Variants in LIMA1 observed in about 807,000 individuals in gnomAD.
The protein encoded by LIMA1 is LIM domain and actin binding 1, also known as LIM domain and actin-binding protein 1.
LIMA1 carries 52 observed loss-of-function variants against 62.6 expected under a neutral mutation model. The ratio of observed to expected loss-of-function variants is 0.83; its 90% CI spans 0.67 to 1.05. LIMA1 has a LOEUF of 1.05. Among genes scored for constraint, LIMA1 ranks in the 50% least tolerant of loss-of-function variants. The pLI is 0.00. For missense variants in LIMA1, 780 were observed against 902.2 expected, an observed-to-expected ratio of 0.86 and a Z score of 1.74; for synonymous variants, 302 against 317.8, an observed-to-expected ratio of 0.95 and a Z score of 0.53.
chr12:50,246,089 G>A (rs188095891), intron 2 of LIMA1, among the ~76,000 whole-genome samples: 107 of 152,038 alleles, frequency 7.0e-4, no homozygotes, highest in East Asian at 2.5e-3. Context: ...AAAATTAGCC[G>A]GGCATGGTGA....
intron 2 of LIMA1, among the ~76,000 whole-genome samples, chr12:50,245,379 C>G (rs1270224641): frequency 6.7e-6 from 1 of 149,196 alleles, no homozygotes; most frequent in Non-Finnish European, 1.5e-5. Context: ...CACCACTGCA[C>G]TCTAGCCTGG....
At chr12:50,249,083 C>T (rs1941891941) in intron 1 of LIMA1, among the ~76,000 whole-genome samples, 1 of 152,192 alleles carries the variant, frequency 6.6e-6, no homozygotes, top group South Asian at 2.1e-4. Context: ...TGAAATGTTT[C>T]CCTCTTCTGA....
At chr12:50,197,062 G>A (rs1940944256) in intron 7 of LIMA1, among the ~76,000 whole-genome samples, 1 of 149,840 alleles carries the variant, frequency 6.7e-6, no homozygotes, top group African/African-American at 2.5e-5. Context: ...GAACCTGTGA[G>A]GTAATCTTTG....
chr12:50,222,021 C>T lies in LIMA1; in HGVS notation c.630G>A (p.Lys210=). 1.2e-6 allele frequency: 2 copies of T among 1,604,402 alleles called. No individual in the cohort carries two copies. Among genetic ancestry groups the T allele is most frequent in the Non-Finnish European group, 8.5e-7 (1 of 1,174,876 alleles). The change falls in exon 4 of 11, where the codon AAG becomes AAA. Residue 210 remains lysine, a splice_region_variant and synonymous_variant. Transcript: ENST00000341247. The stretch of plus-strand genomic sequence containing the variant: ...AGTTTCAAACCCGCCCAATTCTTAC[C>T]TTAGTTTGAGTTGGTTCACCTTTCT... ...MFEKGEPTQT[K]ILRAQSRSAS...
intron 9 of LIMA1, among the ~76,000 whole-genome samples, chr12:50,184,698 T>C (rs549066882): frequency 6.6e-6 from 1 of 152,138 alleles, no homozygotes; most frequent in Non-Finnish European, 1.5e-5. Context: ...TTTGGTGTAA[T>C]AGTATAATGG....
intron 3 of LIMA1, chr12:50,222,755 C>T: frequency 8.6e-7 from 1 of 1,168,142 alleles, no homozygotes; most frequent in Non-Finnish European, 1.1e-6. Flanking sequence ...GAAAGGCAAA[C>T]CCAGCTCTAA....
At chr12:50,278,195 C>A (rs148402378) in intron 1 of LIMA1, among the ~76,000 whole-genome samples, 8 of 151,780 alleles carry the variant, frequency 5.3e-5, no homozygotes, top group Non-Finnish European at 1.2e-4. Context: ...CCGAGGTGGG[C>A]GGATCACAAG....
intron 4 of LIMA1, among the ~76,000 whole-genome samples, chr12:50,206,767 T>C (rs1477900834): frequency 3.3e-5 from 5 of 152,162 alleles, no homozygotes; most frequent in Admixed American, 3.3e-4. Context: ...GAAGTCTGAG[T>C]ACCTTGCCAA....
At chr12:50,263,136 C>A (rs1942091837) in intron 1 of LIMA1, among the ~76,000 whole-genome samples, 1 of 152,028 alleles carries the variant, frequency 6.6e-6, no homozygotes, top group Non-Finnish European at 1.5e-5. Context: ...TATTCTCATT[C>A]TTTTTTTTCC....
chr12:50,252,212 G>A (rs1941939385), intron 1 of LIMA1, among the ~76,000 whole-genome samples: 1 of 152,190 alleles, frequency 6.6e-6, no homozygotes, highest in Non-Finnish European at 1.5e-5. Context: ...GTGAAGGCAG[G>A]AGGAGGAAGG....
rs71441354 is a variant in LIMA1, at chr12:50,280,144, ATTT to A, written c.-24+3273_-24+3275del. Among the ~76,000 whole-genome samples the A allele has an allele frequency of 9.6e-3, 654 of 68,148 alleles. 2 individuals are homozygous for A. Among genetic ancestry groups the A allele is most frequent in the African/African-American group, 0.038 (625 of 16,456 alleles). The allele number at this position is 68,148 out of a possible 152,430, so 44.7% of individuals were successfully genotyped here. ...AAGTTCTTAGTTTCAGGGTAGTAGT[ATTT>A]TTTTTTTTTTTTTTTTTTTTTTTTT... On this transcript the variant is annotated intron_variant, in intron 1 of 10. Transcript: ENST00000341247.
chr12:50,223,062 A>G (rs1229127434), intron 3 of LIMA1, among the ~76,000 whole-genome samples: 2 of 152,184 alleles, frequency 1.3e-5, no homozygotes, highest in Non-Finnish European at 2.9e-5. Flanking sequence ...CTTTCCAAGT[A>G]TTTGCATAAA....
chr12:50,183,831 A>AAAAAAAAAAAAAAAAAAC (rs1940566186), intron 9 of LIMA1, among the ~76,000 whole-genome samples: 1 of 150,540 alleles, frequency 6.6e-6, no homozygotes, highest in Non-Finnish European at 1.5e-5. Context: ...AAAAAAAAAA[A>AAAAAAAAAAAAAAAAAAC]AAACCCAAAA....
chr12:50,235,138 T>C (rs1417680771), intron 2 of LIMA1, among the ~76,000 whole-genome samples: 1 of 152,076 alleles, frequency 6.6e-6, no homozygotes, highest in Non-Finnish European at 1.5e-5. Context: ...CACGCTATGT[T>C]GCCCAAGCTG....
chr12:50,192,367 TAATC>T (rs1940795434), intron 9 of LIMA1, 81 bp downstream of exon 9: 3 of 976,038 alleles, frequency 3.1e-6, no homozygotes, highest in Middle Eastern at 2.1e-4. Flanking sequence ...AACCAGGTTA[TAATC>T]AACATCATCA....
intron 1 of LIMA1, among the ~76,000 whole-genome samples, chr12:50,252,863 T>C (rs1489939444): frequency 6.6e-6 from 1 of 152,190 alleles, no homozygotes; most frequent in African/African-American, 2.4e-5. Flanking sequence ...GTAACATGAC[T>C]AACATCATAT....
At chr12:50,233,326 A>G (rs1457357726) in intron 2 of LIMA1, among the ~76,000 whole-genome samples, 1 of 149,800 alleles carries the variant, frequency 6.7e-6, no homozygotes, top group African/African-American at 2.4e-5. Context: ...GTGTAAAAAC[A>G]TTTTGAAATT....
At chr12:50,245,390 G>T (rs1246508402) in intron 2 of LIMA1, among the ~76,000 whole-genome samples, 1 of 150,170 alleles carries the variant, frequency 6.7e-6, no homozygotes, top group Non-Finnish European at 1.5e-5. Context: ...TCTAGCCTGG[G>T]CGACAGAGTA....
intron 1 of LIMA1, among the ~76,000 whole-genome samples, chr12:50,273,064 AG>A (rs1450411043): frequency 6.6e-6 from 1 of 151,360 alleles, no homozygotes; most frequent in Non-Finnish European, 1.5e-5. Flanking sequence ...AAAAAAAAAA[AG>A]AATTGGTTAT....
Sources: gnomAD v4.1 joint callset for allele counts (sites outside exome capture counted in the v4.1 genomes callset) on GRCh38, gnomAD v4.1.1 for gene constraint, MANE v1.5 for transcripts, NCBI Gene and HGNC (gene_info 2026-07-23, HGNC 2026-07-21) for gene names.